FAM174A: variants seen among roughly 807,000 people sequenced by gnomAD.
FAM174A encodes the protein family with sequence similarity 174 member A, also known as membrane protein FAM174A.
FAM174A carries 14 observed loss-of-function variants against 14.3 expected under a neutral mutation model. The ratio of observed to expected loss-of-function variants is 0.98; its 90% CI spans 0.65 to 1.53. The LOEUF is 1.53. Ranked by LOEUF, FAM174A falls within the 40% of genes most tolerant of loss-of-function variation. The probability of loss-of-function intolerance (pLI) is 0.00; values close to 1 mark genes in which losing one functional copy is unlikely to be tolerated. For synonymous variants in FAM174A, 108 were observed against 111.4 expected, an observed-to-expected ratio of 0.97 and a Z score of 0.19; for missense variants, 241 against 249.6, an observed-to-expected ratio of 0.97 and a Z score of 0.23.
At chr5:100,546,260 AC>A (rs1746162336) in intron 1 of FAM174A, among the ~76,000 whole-genome samples, 1 of 152,184 alleles carries the variant, frequency 6.6e-6, no homozygotes, top group African/African-American at 2.4e-5. Flanking sequence ...GGTGAGAGAC[AC>A]CAGAGAATGC....
At chr5:100,540,488 C>G (rs1049884018) in intron 1 of FAM174A, among the ~76,000 whole-genome samples, 17 of 152,228 alleles carry the variant, frequency 1.1e-4, no homozygotes, top group African/African-American at 3.9e-4. Flanking sequence ...ATTTATTTAG[C>G]TAGTCAGTGT....
chr5:100,566,509 G>T (rs1746655129), intron 2 of FAM174A, among the ~76,000 whole-genome samples: 1 of 151,738 alleles, frequency 6.6e-6, no homozygotes, highest in South Asian at 2.1e-4. Flanking sequence ...TGAATAACTT[G>T]TACAGCAATG....
At chr5:100,557,157 T>G (rs1260612256) in intron 1 of FAM174A, among the ~76,000 whole-genome samples, 1 of 152,198 alleles carries the variant, frequency 6.6e-6, no homozygotes, top group East Asian at 1.9e-4. Flanking sequence ...CATGAAGCGT[T>G]GTTGAATTTT....
intron 2 of FAM174A, among the ~76,000 whole-genome samples, chr5:100,583,053 T>C (rs1332857523): frequency 6.6e-6 from 1 of 152,214 alleles, no homozygotes; most frequent in Non-Finnish European, 1.5e-5. Flanking sequence ...ATATACTCTA[T>C]TCTTACAACA....
chr5:100,568,636 A>C (rs185079922), intron 2 of FAM174A, among the ~76,000 whole-genome samples: 3 of 149,068 alleles, frequency 2.0e-5, no homozygotes. Context: ...CTCTGGCTTC[A>C]ATACTTTTAC....
intron 2 of FAM174A, among the ~76,000 whole-genome samples, chr5:100,573,201 T>C (rs1746828924): frequency 6.6e-6 from 1 of 152,016 alleles, no homozygotes; most frequent in Non-Finnish European, 1.5e-5. Context: ...ATTTTGTAGG[T>C]TGCCTGTTCA....
intron 1 of FAM174A, among the ~76,000 whole-genome samples, chr5:100,538,582 G>T (rs1484976927): frequency 6.6e-6 from 1 of 151,818 alleles, no homozygotes. Context: ...TGCCTAAAAT[G>T]AACACTTAAT....
chr5:100,586,193 CT>C lies in FAM174A; in HGVS notation c.*13del. 1 of 1,409,752 alleles carries C rather than the reference CT, an allele frequency of 7.1e-7. No homozygotes were observed. Among genetic ancestry groups the C allele is most frequent in the Non-Finnish European group, 9.8e-7 (1 of 1,024,938 alleles). 87.3% of individuals were successfully genotyped at this position (1,409,752 alleles called of 1,614,324 possible). ...CTTTTTCTTGCAGATAAGAATGTGC[CT>C]TTTGATGAAAGAACTTTATCTTTCT... On this transcript the variant is annotated 3_prime_UTR_variant, in exon 3 of 3. Transcript: ENST00000312637.
chr5:100,572,745 A>G (rs1580376167), intron 2 of FAM174A, among the ~76,000 whole-genome samples: 1 of 152,196 alleles, frequency 6.6e-6, no homozygotes, highest in Non-Finnish European at 1.5e-5. Flanking sequence ...AGCATGATTT[A>G]TAGTCCTTTG....
intron 1 of FAM174A, among the ~76,000 whole-genome samples, chr5:100,543,769 C>G: frequency 6.6e-6 from 1 of 152,074 alleles, no homozygotes. Flanking sequence ...CTTCCAGTCT[C>G]TAGTGAACTA....
chr5:100,566,141 G>GATTGAT (rs1554047541), intron 2 of FAM174A, among the ~76,000 whole-genome samples: 1 of 81,810 alleles, frequency 1.2e-5, no homozygotes, highest in Non-Finnish European at 2.4e-5. Flanking sequence ...TGAAAAGTAT[G>GATTGAT]ATATATATAT....
Position 100,535,971 on chromosome 5 carries a change from C to A in FAM174A, c.434+7C>A. The A allele has an allele frequency of 6.4e-7, 1 of 1,559,630 alleles. No individual in the cohort carries two copies. On this transcript the variant is annotated splice_region_variant and intron_variant, in intron 1 of 2. Coordinates refer to ENST00000312637, the MANE Select transcript of FAM174A (RefSeq NM_198507.3). Reference sequence around the variant, plus strand: ...TCGTGGTCAGGACGGTCAGGTGAGGCAAAGCCTCGGTGGGGCACCCCCGTG... The same window carrying A: ...TCGTGGTCAGGACGGTCAGGTGAGGAAAAGCCTCGGTGGGGCACCCCCGTG...
intron 1 of FAM174A, among the ~76,000 whole-genome samples, chr5:100,552,763 T>C (rs772656990): frequency 2.0e-5 from 3 of 152,254 alleles, no homozygotes; most frequent in South Asian, 4.1e-4. Context: ...CCTGAGTGTA[T>C]TGGAACATTA....
Position 100,535,858 on chromosome 5 carries a change from G to T in FAM174A, c.328G>T (p.Ala110Ser), listed in dbSNP as rs1745932629. 1 of 1,612,578 alleles carries T rather than the reference G, an allele frequency of 6.2e-7. No homozygotes were observed. The change falls in exon 1 of 3, where the codon GCT becomes TCT. Residue 110 changes from alanine to serine, a missense_variant. By Grantham distance (99) the Ala-to-Ser change is moderately conservative. Coordinates refer to ENST00000312637, the MANE Select transcript of FAM174A (RefSeq NM_198507.3). ...AGEGSVGGGL[A>S]VSPNPGDKPM... ...GGAAGGCTCGGTGGGTGGCGGCCTT[G>T]CTGTGAGCCCCAACCCTGGCGACAA...
At chr5:100,555,233 C>G (rs2112377660) in intron 1 of FAM174A, among the ~76,000 whole-genome samples, 1 of 152,102 alleles carries the variant, frequency 6.6e-6, no homozygotes, top group Non-Finnish European at 1.5e-5. Flanking sequence ...CCAGCTTCAT[C>G]CATGTCCCTA....
At chr5:100,556,213 T>G (rs1327277315) in intron 1 of FAM174A, among the ~76,000 whole-genome samples, 2 of 152,278 alleles carry the variant, frequency 1.3e-5, no homozygotes, top group South Asian at 4.1e-4. Context: ...TTTCCCCATT[T>G]CTTGTTTTTG....
At chr5:100,555,409 A>G (rs1746354744) in intron 1 of FAM174A, among the ~76,000 whole-genome samples, 1 of 152,178 alleles carries the variant, frequency 6.6e-6, no homozygotes, top group Admixed American at 6.5e-5. Context: ...GTGTCTTTAT[A>G]GCAGCATGTT....
chr5:100,569,352 T>A (rs147614462), intron 2 of FAM174A, among the ~76,000 whole-genome samples: 2,287 of 151,066 alleles, frequency 0.015, 60 homozygotes, highest in African/African-American at 0.053. Flanking sequence ...TATGAACATA[T>A]ATGACATAGA....
chr5:100,551,988 T>G (rs529265087), intron 1 of FAM174A, among the ~76,000 whole-genome samples: 3 of 152,170 alleles, frequency 2.0e-5, no homozygotes, highest in African/African-American at 7.2e-5. Context: ...CTTCAACATA[T>G]GAATTTTTGG....
Sources: allele counts gnomAD v4.1 joint callset (sites outside exome capture counted in the v4.1 genomes callset), GRCh38; gene constraint gnomAD v4.1.1; transcripts MANE v1.5; gene names NCBI Gene and HGNC (gene_info 2026-07-23, HGNC 2026-07-21).